Variants in TMEM161B observed in about 807,000 individuals in gnomAD.
TMEM161B encodes transmembrane protein 161B.
A neutral mutation model predicts 61.8 loss-of-function variants in TMEM161B; 34 were observed. The observed-to-expected ratio is 0.55, with a 90% CI of 0.42 to 0.73. The LOEUF is 0.73. Ranked by LOEUF, TMEM161B falls within the 30% of genes least tolerant of loss-of-function variation. The pLI is 0.00. For missense variants in TMEM161B, 456 were observed against 558.5 expected, an observed-to-expected ratio of 0.82 and a Z score of 1.85; for synonymous variants, 167 against 192.8, an observed-to-expected ratio of 0.87 and a Z score of 1.11.
intron 1 of TMEM161B, among the ~76,000 whole-genome samples, chr5:88,245,403 T>C (rs1002093316): frequency 6.6e-6 from 1 of 151,896 alleles, no homozygotes; most frequent in African/African-American, 2.4e-5. Flanking sequence ...AATACATTAG[T>C]AAGTATGCCA....
At chr5:88,216,466 T>C (rs994873055) in intron 5 of TMEM161B, among the ~76,000 whole-genome samples, 8 of 152,240 alleles carry the variant, frequency 5.3e-5, no homozygotes, top group African/African-American at 1.9e-4. Context: ...TTTTATGTGC[T>C]TGAATTTAAA....
At position 88,199,142 on chromosome 5, in the gene TMEM161B, T is replaced by G. The variant is rs778318163; in HGVS notation, c.923A>C (p.Glu308Ala). The G allele has an allele frequency of 2.0e-5, 32 of 1,606,246 alleles. No individual in the cohort carries two copies. The Middle Eastern group carries it at 4.9e-4, about 25-fold the overall frequency. The change falls in exon 10 of 12, where the codon GAA becomes GCA. Residue 308 changes from glutamate to alanine, a missense_variant. Glu to Ala is a moderately radical substitution (Grantham distance 107, BLOSUM62 -1). This residue lies in a region of TMEM161B where 367 missense variants were observed against 427.3 expected (regional missense o/e 0.86). Transcript: ENST00000296595. ...GAGTCGCAGAGTATCGAATGTGGCT[T>G]CTGTCATTCTACAGATCAAAAAGTT... ...LGKESIPLMTEATFDTLRLWL... is the reference protein window; with the variant it reads ...LGKESIPLMTAATFDTLRLWL...
At chr5:88,196,630 A>G (rs1749697700) in intron 11 of TMEM161B, 142 bp from the exon 12 acceptor site, 1 of 944,150 alleles carries the variant, frequency 1.1e-6, no homozygotes, top group East Asian at 2.9e-5. Context: ...AAAGTAAAAT[A>G]ATAATCCTTC....
At chr5:88,236,384 C>T (rs890377185) in intron 2 of TMEM161B, among the ~76,000 whole-genome samples, 6 of 152,010 alleles carry the variant, frequency 3.9e-5, no homozygotes, top group African/African-American at 1.4e-4. Flanking sequence ...CATGCAAAAC[C>T]CACTATTCAA....
At chr5:88,220,423 GA>G (rs1347228578) in intron 5 of TMEM161B, 139 bp downstream of exon 5, 8 of 758,224 alleles carry the variant, frequency 1.1e-5, no homozygotes, top group Admixed American at 4.3e-5. Context: ...CTATTACTTT[GA>G]AAAATATTTT....
At chr5:88,188,199 G>C (rs1452249492), downstream of TMEM161B, among the ~76,000 whole-genome samples, 2 of 151,934 alleles carry the variant, frequency 1.3e-5, no homozygotes, top group Admixed American at 6.6e-5. Flanking sequence ...CCGCCTCCCA[G>C]GTTCAAGCGA....
intron 1 of TMEM161B, among the ~76,000 whole-genome samples, chr5:88,253,280 C>T (rs1561420064): frequency 6.6e-6 from 1 of 152,060 alleles, no homozygotes; most frequent in Admixed American, 6.6e-5. Flanking sequence ...TTATCAAACA[C>T]TTTAAGTGTT....
Position 88,245,935 on chromosome 5 carries a change from T to C in TMEM161B, c.4-5019A>G, listed in dbSNP as rs547531089. Among the ~76,000 whole-genome samples the C allele has an allele frequency of 5.3e-5, 8 of 152,066 alleles. No homozygotes were observed. The South Asian group carries it at 1.7e-3, about 31-fold the overall frequency. ...TGAAACTTTAAATTACAGTGGTATCTTCAGTACCCAGAAGAGAAATACATT... is the reference window on the plus strand; with the variant it reads ...TGAAACTTTAAATTACAGTGGTATCCTCAGTACCCAGAAGAGAAATACATT... On this transcript the variant is annotated intron_variant, in intron 1 of 11. Coordinates refer to ENST00000296595, the MANE Select transcript of TMEM161B (RefSeq NM_153354.5).
At chr5:88,197,813 G>A in intron 10 of TMEM161B, 48 bp from the exon 11 acceptor site, 1 of 1,499,216 alleles carries the variant, frequency 6.7e-7, no homozygotes, top group Non-Finnish European at 9.2e-7. Flanking sequence ...GACATGTTAG[G>A]AGTGAATTAA....
chr5:88,197,567 A>G lies in TMEM161B; in HGVS notation c.1186+102T>C, dbSNP rs143962514. ...GGTTCTTTTTACAACTTTTAAAAAG[A>G]GAAACAATTTTAAGAGTTGCATTTC... On this transcript the variant is annotated intron_variant, in intron 11 of 11. Coordinates refer to ENST00000296595, the MANE Select transcript of TMEM161B (RefSeq NM_153354.5). 8,630 of 986,192 alleles carry G rather than the reference A, an allele frequency of 8.8e-3. 75 individuals carry two copies. The highest frequency in any genetic ancestry group is 0.011 in the Non-Finnish European group (7,359 of 666,570). The allele number at this position is 986,192 out of a possible 1,614,324, so 61.1% of individuals were successfully genotyped here. A position where few individuals can be genotyped will look rare whatever the true frequency, so the allele number is the denominator to read the frequency against.
At chr5:88,268,127 C>T (rs2112810477) in intron 1 of TMEM161B, among the ~76,000 whole-genome samples, 1 of 152,306 alleles carries the variant, frequency 6.6e-6, no homozygotes, top group Middle Eastern at 3.4e-3. Context: ...CCTACTGCAA[C>T]AGTTCCTTCA....
At chr5:88,201,192 A>G (rs992713812) in intron 9 of TMEM161B, 3 of 151,992 alleles carry the variant, frequency 2.0e-5, no homozygotes, top group African/African-American at 7.2e-5. Context: ...AAAGGGGGGA[A>G]AAAGCTATAG....
At chr5:88,251,495 G>C (rs1043215156) in intron 1 of TMEM161B, among the ~76,000 whole-genome samples, 13 of 152,080 alleles carry the variant, frequency 8.5e-5, no homozygotes, top group Non-Finnish European at 1.3e-4. Flanking sequence ...TTAGTTTTAG[G>C]AAGGAACTAT....
At chr5:88,240,151 T>C (rs1014026038) in intron 2 of TMEM161B, among the ~76,000 whole-genome samples, 5 of 151,764 alleles carry the variant, frequency 3.3e-5, no homozygotes, top group Non-Finnish European at 7.4e-5. Context: ...GGAGTAGGGA[T>C]TGTGAGCCTA....
chr5:88,219,863 A>G (rs1347964341), intron 5 of TMEM161B, among the ~76,000 whole-genome samples: 1 of 152,146 alleles, frequency 6.6e-6, no homozygotes, highest in Non-Finnish European at 1.5e-5. Flanking sequence ...GAATAAACCA[A>G]GGAAGAGGAA....
chr5:88,265,315 G>A (rs756784735), intron 1 of TMEM161B, among the ~76,000 whole-genome samples: 11 of 152,256 alleles, frequency 7.2e-5, no homozygotes, highest in South Asian at 2.1e-4. Context: ...CATGGAAGAC[G>A]ATTTTTTCAC....
chr5:88,243,688 C>A (rs1753124273), intron 1 of TMEM161B, among the ~76,000 whole-genome samples: 2 of 151,850 alleles, frequency 1.3e-5, no homozygotes, highest in Admixed American at 6.6e-5. Context: ...TGCACAATGG[C>A]TGAACTAATT....
chr5:88,199,189 A>C (rs1750247931), intron 9 of TMEM161B, 39 bp from the exon 10 acceptor site: 3 of 1,557,274 alleles, frequency 1.9e-6, no homozygotes, highest in Non-Finnish European at 1.7e-6. Context: ...CTCAAAGACA[A>C]CAATATGCTA....
intron 5 of TMEM161B, among the ~76,000 whole-genome samples, chr5:88,218,223 AAGAG>A (rs1748267683): frequency 6.6e-6 from 1 of 152,150 alleles, no homozygotes; most frequent in Admixed American, 6.5e-5. Context: ...GCATTCCAGA[AAGAG>A]AGAAAATAGA....
Sources: gnomAD v4.1 joint callset for allele counts (sites outside exome capture counted in the v4.1 genomes callset) on GRCh38, gnomAD v4.1.1 for gene constraint, gnomAD v4.1.1 regional missense constraint, MANE v1.5 for transcripts, NCBI Gene and HGNC (gene_info 2026-07-23, HGNC 2026-07-21) for gene names.